Variants in PCSK9 observed in about 807,000 individuals in gnomAD.
PCSK9 encodes the protein proprotein convertase subtilisin/kexin type 9.
A neutral mutation model predicts 62.1 loss-of-function variants in PCSK9; 57 were observed. The observed-to-expected ratio is 0.92, with a 90% confidence interval of 0.74 to 1.14. The LOEUF is 1.14. Ranked by LOEUF, PCSK9 falls within the 50% of genes most tolerant of loss-of-function variation. The probability of loss-of-function intolerance (pLI) is 0.00; values close to 1 mark genes in which losing one functional copy is unlikely to be tolerated. For missense variants in PCSK9, 870 were observed against 959.8 expected, an observed-to-expected ratio of 0.91 and a Z score of 1.24; for synonymous variants, 387 against 409.4, an observed-to-expected ratio of 0.95 and a Z score of 0.66.
intron 2 of PCSK9, 143 bp downstream of exon 2, chr1:55,044,177 C>T: frequency 1.0e-6 from 1 of 977,966 alleles, no homozygotes; most frequent in Non-Finnish European, 1.6e-6. Flanking sequence ...GTACCAAGCA[C>T]AGTAACTACT....
chr1:55,059,120 G>T (rs1460589102), intron 9 of PCSK9, among the ~76,000 whole-genome samples: 1 of 152,234 alleles, frequency 6.6e-6, no homozygotes, highest in African/African-American at 2.4e-5. Context: ...GAAGGGCAGT[G>T]CCCAGCTAGG....
intron 11 of PCSK9, 128 bp from the exon 12 acceptor site, chr1:55,063,240 TG>T: frequency 1.0e-6 from 1 of 975,398 alleles, no homozygotes; most frequent in Non-Finnish European, 1.6e-6. Flanking sequence ...GTGTCCCAAA[TG>T]GGCTCTGAGC....
intron 2 of PCSK9, among the ~76,000 whole-genome samples, chr1:55,045,334 C>A (rs1255358486): frequency 3.3e-5 from 5 of 152,192 alleles, no homozygotes. Flanking sequence ...CTGTCTAACC[C>A]TGAGCAAATC....
chr1:55,063,406 GCTGCAGTGCC>G lies in PCSK9; in HGVS notation c.1904_1913del (p.Cys635SerfsTer13), dbSNP rs1386405668. The G allele has an allele frequency of 6.2e-7, 1 of 1,613,914 alleles. No individual in the cohort carries two copies. The highest frequency in any genetic ancestry group is 1.7e-5 in the Admixed American group (1 of 60,002). On this transcript the variant is annotated frameshift_variant, in exon 12 of 12. Coordinates refer to ENST00000302118, the MANE Select transcript of PCSK9 (RefSeq NM_174936.4). LOFTEE classifies it low-confidence loss of function (END_TRUNC). ...TGCGAGGAGGGCTGGACCCTGACTG[GCTGCAGTGCC>G]CTCCCTGGGACCTCCCACGTCCTGG... is the stretch of plus-strand genomic sequence containing the variant.
intron 3 of PCSK9, among the ~76,000 whole-genome samples, chr1:55,049,685 TTTTACCAGGCCCACCTGCCC>T (rs1644659673): frequency 6.6e-6 from 1 of 152,196 alleles, no homozygotes; most frequent in South Asian, 2.1e-4. Context: ...CTGTGGGGGC[TTTTACCAGGCCCACCTGCCC>T]TCTGCTGGCC....
chr1:55,061,447 C>T lies in PCSK9; in HGVS notation c.1754C>T (p.Pro585Leu). Residue 585 changes from proline to leucine, a missense_variant, in exon 11 of 12, where the codon CCC becomes CTC. Physicochemically the swap from Pro to Leu is moderately conservative, Grantham distance 98. Coordinates refer to ENST00000302118, the MANE Select transcript of PCSK9 (RefSeq NM_174936.4). Reference sequence around the variant, plus strand: ...CCTGTGCTGAGGCCACGAGGTCAGCCCAACCAGTGCGTGGGCCACAGGGAG... The same window carrying T: ...CCTGTGCTGAGGCCACGAGGTCAGCTCAACCAGTGCGTGGGCCACAGGGAG... ...KPPVLRPRGQ[P>L]NQCVGHREAS... 6.2e-7 allele frequency: 1 copy of T among 1,609,348 alleles called. No homozygotes were observed. Among genetic ancestry groups the T allele is most frequent in the Non-Finnish European group, 8.5e-7 (1 of 1,178,598 alleles).
chr1:55,058,375 G>T, intron 8 of PCSK9, 124 bp from the exon 9 acceptor site: 2 of 1,541,266 alleles, frequency 1.3e-6, no homozygotes, highest in Non-Finnish European at 1.8e-6. Flanking sequence ...TTTTCATAAC[G>T]TGTTTTTATA....
At chr1:55,044,859 C>T (rs1055984198) in intron 2 of PCSK9, among the ~76,000 whole-genome samples, 3 of 152,146 alleles carry the variant, frequency 2.0e-5, no homozygotes, top group East Asian at 1.9e-4. Context: ...CTCAGCATAC[C>T]GTGGCTGAAC....
rs1644781374 is a variant in PCSK9, at chr1:55,063,810, C to T, written c.*226C>T. ...CCCCAGGTGGAGGTGCCAGGAAGCTCCCTCCCTCACTGTGGGGCATTTCAC... is the reference window on the plus strand; with the variant it reads ...CCCCAGGTGGAGGTGCCAGGAAGCTTCCTCCCTCACTGTGGGGCATTTCAC... On this transcript the variant is annotated 3_prime_UTR_variant, in exon 12 of 12. Transcript: ENST00000302118. 3.4e-6 allele frequency: 2 copies of T among 594,884 alleles called. No homozygotes were observed. Among genetic ancestry groups the T allele is most frequent in the African/African-American group, 1.9e-5 (1 of 53,824 alleles). The allele number at this position is 594,884 out of a possible 1,614,324, so 36.9% of individuals were successfully genotyped here. A position where few individuals can be genotyped will look rare whatever the true frequency, so the allele number is the denominator to read the frequency against.
Position 55,061,645 on chromosome 1 carries a change from G to A in PCSK9, c.1863+89G>A, listed in dbSNP as rs929092044. 1.1e-5 allele frequency: 17 copies of A among 1,504,276 alleles called. No homozygotes were observed. The South Asian group carries it at 1.4e-4, about 13-fold the overall frequency. The allele number at this position is 1,504,276 out of a possible 1,614,324, so 93.2% of individuals were successfully genotyped here. A position where few individuals can be genotyped will look rare whatever the true frequency, so the allele number is the denominator to read the frequency against. ...TGTCAGTTTGTGCCACCACCATACC[G>A]CCATGCATCAGGGTGGCGGTTTGCC... On this transcript the variant is annotated intron_variant, in intron 11 of 11. Transcript: ENST00000302118.
chr1:55,059,996 C>A (rs1411090629), intron 10 of PCSK9, among the ~76,000 whole-genome samples: 3 of 152,180 alleles, frequency 2.0e-5, no homozygotes, highest in African/African-American at 7.2e-5. Context: ...CAGAGAGAGG[C>A]CCCCGGCTGG....
At chr1:55,055,402 GATA>G (rs959879078) in intron 5 of PCSK9, among the ~76,000 whole-genome samples, 1 of 152,156 alleles carries the variant, frequency 6.6e-6, no homozygotes, top group Non-Finnish European at 1.5e-5. Context: ...CATGGAAAGG[GATA>G]ATAAGGTTAT....
chr1:55,058,521 T>C lies in PCSK9; in HGVS notation c.1377T>C (p.Thr459=). 2 of 1,612,172 alleles carry C rather than the reference T, an allele frequency of 1.2e-6. No homozygotes were observed. Among genetic ancestry groups the C allele is most frequent in the Non-Finnish European group, 1.7e-6 (2 of 1,180,008 alleles). ...HGAGWQLFCR[T]VWSAHSGPTR... ...CAGGTTGGCAGCTGTTTTGCAGGAC[T>C]GTATGGTCAGCACACTCGGGGCCTA... Residue 459 remains threonine, a synonymous_variant, in exon 9 of 12, where the codon ACT becomes ACC. Coordinates refer to ENST00000302118, the MANE Select transcript of PCSK9 (RefSeq NM_174936.4).
Position 55,063,667 on chromosome 1 carries a change from A to G in PCSK9, c.*83A>G. 6.9e-7 allele frequency: 1 copy of G among 1,444,650 alleles called. No homozygotes were observed. Among genetic ancestry groups the G allele is most frequent in the South Asian group, 1.3e-5 (1 of 75,542 alleles). 89.5% of individuals were successfully genotyped at this position (1,444,650 alleles called of 1,614,324 possible). On this transcript the variant is annotated 3_prime_UTR_variant, in exon 12 of 12. Transcript: ENST00000302118. ...AATGGTTCCGACTTGTCCCTCTCTC[A>G]GCCCTCCATGGCCTGGCACGAGGGG...
At chr1:55,045,233 C>T (rs2100271467) in intron 2 of PCSK9, among the ~76,000 whole-genome samples, 1 of 152,224 alleles carries the variant, frequency 6.6e-6, no homozygotes, top group East Asian at 1.9e-4. Flanking sequence ...AGAAGGCAAA[C>T]AGAAGGCTGC....
chr1:55,059,306 G>T (rs1395543702), intron 9 of PCSK9, among the ~76,000 whole-genome samples, 180 bp from the exon 10 acceptor site: 1 of 152,198 alleles, frequency 6.6e-6, no homozygotes, highest in Admixed American at 6.5e-5. Context: ...ATTCAGAGCT[G>T]CCCACTGGCA....
intron 2 of PCSK9, 36 bp from the exon 3 acceptor site, chr1:55,046,487 T>C: frequency 1.2e-6 from 2 of 1,614,126 alleles, no homozygotes; most frequent in Non-Finnish European, 1.7e-6. Context: ...TCCAAATGGC[T>C]TAAGCAGAGT....
chr1:55,054,802 G>A (rs573868842), intron 5 of PCSK9, among the ~76,000 whole-genome samples: 1 of 152,242 alleles, frequency 6.6e-6, no homozygotes, highest in South Asian at 2.1e-4. Flanking sequence ...TCAGGACATC[G>A]AGACCATCCT....
At chr1:55,052,817 C>A (rs201405859) in intron 5 of PCSK9, 26 bp downstream of exon 5, 2 of 1,612,846 alleles carry the variant, frequency 1.2e-6, no homozygotes, top group Admixed American at 1.7e-5. Context: ...AGACGCTGGT[C>A]TCTCTCCATC....
Sources: gnomAD v4.1 joint callset for allele counts (sites outside exome capture counted in the v4.1 genomes callset) on GRCh38, gnomAD v4.1.1 for gene constraint, MANE v1.5 for transcripts, NCBI Gene and HGNC (gene_info 2026-07-23, HGNC 2026-07-21) for gene names.